The following ZNF273 variants were observed in gnomAD, a reference collection of about 807,000 sequenced individuals.
The protein encoded by ZNF273 is zinc finger protein 9.
Under a neutral mutation model 14.9 loss-of-function variants are expected in ZNF273, and 11 were observed. That is an observed-to-expected ratio of 0.74 (90% CI 0.46 to 1.22). ZNF273 has a LOEUF of 1.22. Ranked by LOEUF, ZNF273 falls within the 50% of genes most tolerant of loss-of-function variation. The pLI is 0.00. For synonymous variants in ZNF273, 199 were observed against 223.9 expected (o/e 0.89, Z 0.99); for missense variants, 577 against 660.6 (o/e 0.87, Z 1.39).
chr7:64,927,930 C>G lies in ZNF273; in HGVS notation c.602C>G (p.Thr201Ser). ...TCAAATATACATAAGAAAAGACAAACTGGAAAGAAACCTTTCAAATGTAAA... is the reference window on the plus strand; with the variant it reads ...TCAAATATACATAAGAAAAGACAAAGTGGAAAGAAACCTTTCAAATGTAAA... ...SNSNIHKKRQ[T>S]GKKPFKCKEC... is the part of the protein sequence containing the mutation. Residue 201 changes from threonine (T) to serine (S), a missense_variant, in exon 4 of 4, where the codon ACT (threonine) becomes AGT (serine). Transcript: ENST00000476120. The G allele has an allele frequency of 6.2e-7, 1 of 1,613,392 alleles. No individual in the cohort carries two copies. Among genetic ancestry groups the G allele is most frequent in the Middle Eastern group, 1.7e-4 (1 of 6,054 alleles).
downstream of ZNF273, chr7:64,889,338 G>C: frequency 1.0e-6 from 1 of 957,534 alleles, no homozygotes; most frequent in South Asian, 4.8e-5. The surrounding 1 kb of genome is among the most constrained non-coding windows in gnomAD (Gnocchi z 4.2). Flanking sequence ...CGTCCCCTCC[G>C]CCCCAACAGC....
At chr7:64,923,434 G>T in intron 3 of ZNF273, 1 of 450,480 alleles carries the variant, frequency 2.2e-6, no homozygotes, top group Non-Finnish European at 4.4e-6. Flanking sequence ...TCTGCCCCTC[G>T]GGATTCAAGT....
At chr7:64,910,781 T>TG (rs1793444348) in intron 1 of ZNF273, among the ~76,000 whole-genome samples, 1 of 151,552 alleles carries the variant, frequency 6.6e-6, no homozygotes, top group African/African-American at 2.4e-5. Flanking sequence ...TTTTTTTTTT[T>TG]TGAGACGAAG....
chr7:64,894,150 G>A (rs1440618728), downstream of ZNF273, among the ~76,000 whole-genome samples: 2 of 152,156 alleles, frequency 1.3e-5, no homozygotes, highest in South Asian at 2.1e-4. Flanking sequence ...AACTACAGGC[G>A]CGTGCCACTA....
At chr7:64,934,468 T>G (rs1795045350), downstream of ZNF273, among the ~76,000 whole-genome samples, 1 of 152,218 alleles carries the variant, frequency 6.6e-6, no homozygotes, top group Admixed American at 6.5e-5. Context: ...TACATTTAAG[T>G]AATTAAACTA....
upstream of ZNF273, among the ~76,000 whole-genome samples, chr7:64,898,331 T>C (rs1792483411): frequency 6.6e-6 from 1 of 152,202 alleles, no homozygotes; most frequent in South Asian, 2.1e-4. Flanking sequence ...GTGTTGTTAT[T>C]GCCATTTTAA....
intron 1 of ZNF273, among the ~76,000 whole-genome samples, chr7:64,884,984 C>T (rs894617081): frequency 6.6e-6 from 1 of 152,224 alleles, no homozygotes; most frequent in Non-Finnish European, 1.5e-5. Flanking sequence ...ACAGCCTGGC[C>T]CCAGCACCTG....
chr7:64,921,625 TTTTTTTTTTTTTGTGTG>T (rs1179312531), intron 3 of ZNF273, among the ~76,000 whole-genome samples: 3 of 44,190 alleles, frequency 6.8e-5, no homozygotes, highest in African/African-American at 2.9e-4. Flanking sequence ...TTTTTTTTTT[TTTTTTTTTTTTTGTGTG>T]TGAGACAGAG....
upstream of ZNF273, among the ~76,000 whole-genome samples, chr7:64,901,787 C>G (rs1395490480): frequency 6.7e-6 from 1 of 150,084 alleles, no homozygotes; most frequent in Non-Finnish European, 1.5e-5. Context: ...GCCGTCTCTA[C>G]TAAAAATACA....
Position 64,929,009 on chromosome 7 carries a change from A to G in ZNF273, c.1681A>G (p.Lys561Glu). 3.2e-6 allele frequency: 5 copies of G among 1,558,086 alleles called. No homozygotes were observed. Among genetic ancestry groups the G allele is most frequent in the Non-Finnish European group, 3.5e-6 (4 of 1,157,440 alleles). Reference sequence around the variant, plus strand: ...CAACACCCCAAACTTTTCTAGACATAAAAGAAATCATATGGGTGAGAAATC... The same window carrying G: ...CAACACCCCAAACTTTTCTAGACATGAAAGAAATCATATGGGTGAGAAATC... Reference protein sequence around the residue: ...FDNTPNFSRHKRNHMGEKS With the variant: ...FDNTPNFSRHERNHMGEKS The change falls in exon 4 of 4, where the codon AAA becomes GAA. Residue 561 changes from lysine to glutamate, a missense_variant. Transcript: ENST00000476120.
At chr7:64,885,019 C>T (rs1028295112) in intron 1 of ZNF273, among the ~76,000 whole-genome samples, 3 of 152,216 alleles carry the variant, frequency 2.0e-5, no homozygotes, top group Admixed American at 6.5e-5. Context: ...ATGCGCCAGT[C>T]GCGGGACACC....
downstream of ZNF273, among the ~76,000 whole-genome samples, chr7:64,883,224 C>A (rs1047667244): frequency 3.3e-4 from 44 of 134,864 alleles, 3 homozygotes; most frequent in Non-Finnish European, 3.8e-4. Flanking sequence ...ACCCCCCCCT[C>A]ACCAAGCAGC....
upstream of ZNF273, among the ~76,000 whole-genome samples, chr7:64,900,632 C>G (rs560778542): frequency 3.2e-4 from 49 of 152,174 alleles, 1 homozygote; most frequent in East Asian, 9.1e-3. Context: ...GGCTGCTGGC[C>G]AGGCAGAGAA....
At chr7:64,901,238 G>A (rs1792695212), upstream of ZNF273, among the ~76,000 whole-genome samples, 1 of 152,034 alleles carries the variant, frequency 6.6e-6, no homozygotes, top group African/African-American at 2.4e-5. Context: ...CCTGACCTCA[G>A]GTGATCTACC....
rs200184404 is a variant in ZNF273, at chr7:64,929,861, TG to T, written c.*824del. 0.11 allele frequency: 16,392 copies of T among 153,244 alleles called. 988 individuals carry two copies. Among genetic ancestry groups the T allele is most frequent in the East Asian group, 0.22 (1,142 of 5,210 alleles). The allele number at this position is 153,244 out of a possible 1,614,324, so 9.5% of individuals were successfully genotyped here. On this transcript the variant is annotated 3_prime_UTR_variant, in exon 4 of 4. Coordinates refer to ENST00000476120, the MANE Select transcript of ZNF273 (RefSeq NM_021148.3). ...TTTTTGGTTTTGGTTTTGGGTTTTT[TG>T]TTTGTTTGTTTGTTTGTTTTTGAGA... is the stretch of plus-strand genomic sequence containing the variant.
intron 1 of ZNF273, among the ~76,000 whole-genome samples, chr7:64,910,941 T>C (rs995921429): frequency 6.6e-6 from 1 of 151,768 alleles, no homozygotes; most frequent in Non-Finnish European, 1.5e-5. Flanking sequence ...AATTTTTCTA[T>C]TTTTAGTAGA....
chr7:64,878,266 TG>T (rs1791166646), intron 1 of ZNF273: 1 of 152,050 alleles, frequency 6.6e-6, no homozygotes, highest in Non-Finnish European at 1.5e-5. Context: ...TTCCCTGCAA[TG>T]GAGCCACTCT....
downstream of ZNF273, chr7:64,879,968 G>C (rs932697733): frequency 6.6e-6 from 1 of 152,226 alleles, no homozygotes; most frequent in Non-Finnish European, 1.5e-5. Flanking sequence ...CATTTTCCTT[G>C]CTTAGGTAGG....
downstream of ZNF273, among the ~76,000 whole-genome samples, chr7:64,880,623 G>A (rs548935672): frequency 3.3e-5 from 5 of 152,212 alleles, no homozygotes; most frequent in Admixed American, 2.6e-4. Context: ...CTGTGCGAAA[G>A]GGCTTGGGCT....
Sources: allele counts gnomAD v4.1 joint callset (sites outside exome capture counted in the v4.1 genomes callset), GRCh38; gene constraint gnomAD v4.1.1; non-coding constraint Gnocchi (gnomAD v3.1); transcripts MANE v1.5; gene names NCBI Gene and HGNC (gene_info 2026-07-23, HGNC 2026-07-21).